The following DSCAM variants were observed in gnomAD, a reference collection of about 807,000 sequenced individuals.
DSCAM encodes the protein DS cell adhesion molecule.
Under a neutral mutation model 217.7 loss-of-function variants are expected in DSCAM, and 47 were observed. The observed-to-expected ratio is 0.22, with a 90% CI of 0.17 to 0.28. The LOEUF is 0.28. DSCAM is among the 10% of genes least tolerant of loss of function. The probability of loss-of-function intolerance (pLI) is 1.00; values close to 1 mark genes in which losing one functional copy is unlikely to be tolerated. For synonymous variants in DSCAM, 1,056 were observed against 1,015.3 expected, an observed-to-expected ratio of 1.04 and a Z score of -0.76; for missense variants, 2,080 against 2,618.3, an observed-to-expected ratio of 0.79 and a Z score of 4.49.
At chr21:40,086,818 T>TC (rs2089538960) in intron 22 of DSCAM, among the ~76,000 whole-genome samples, 1 of 152,206 alleles carries the variant, frequency 6.6e-6, no homozygotes, top group African/African-American at 2.4e-5. Context: ...AGATAGGTGT[T>TC]AAATCTCACA....
chr21:40,639,842 C>T (rs28733793), intron 3 of DSCAM, among the ~76,000 whole-genome samples: 24,749 of 152,158 alleles, frequency 0.16, 2,207 homozygotes, highest in Admixed American at 0.24. Flanking sequence ...CTTTTTCCCT[C>T]CATAAAAGTC....
intron 3 of DSCAM, among the ~76,000 whole-genome samples, chr21:40,455,091 G>C (rs1333453260): frequency 6.6e-6 from 1 of 152,166 alleles, no homozygotes; most frequent in Non-Finnish European, 1.5e-5. Flanking sequence ...GCAAGTACCT[G>C]ATCTAGGAAG....
chr21:40,536,545 G>A (rs1010665116), intron 3 of DSCAM, among the ~76,000 whole-genome samples: 2 of 151,964 alleles, frequency 1.3e-5, no homozygotes, highest in African/African-American at 2.4e-5. Flanking sequence ...GGGACTACAG[G>A]CGCCCACCAC....
intron 3 of DSCAM, among the ~76,000 whole-genome samples, chr21:40,682,308 T>C (rs1034651608): frequency 6.6e-6 from 1 of 151,692 alleles, no homozygotes; most frequent in Non-Finnish European, 1.5e-5. Context: ...ATACAGAAAG[T>C]GGATGGGATT....
rs571025790 is a variant in DSCAM, at chr21:40,214,389, T to C, written c.2357-25151A>G. Among the ~76,000 whole-genome samples, 8 of 152,314 alleles carry C rather than the reference T, an allele frequency of 5.3e-5. No individual in the cohort carries two copies. The South Asian group carries it at 1.0e-3, about 20-fold the overall frequency. On this transcript the variant is annotated intron_variant, in intron 11 of 32. Coordinates refer to ENST00000400454, the MANE Select transcript of DSCAM (RefSeq NM_001389.5). ...TATTTTGGAGCCTATAAAGAAAGATTCTGTGCTGATAATATTTACATTGGG... is the reference window on the plus strand; with the variant it reads ...TATTTTGGAGCCTATAAAGAAAGATCCTGTGCTGATAATATTTACATTGGG...
At chr21:40,082,832 G>C (rs1000443149) in intron 24 of DSCAM, among the ~76,000 whole-genome samples, 1 of 152,142 alleles carries the variant, frequency 6.6e-6, no homozygotes, top group African/African-American at 2.4e-5. Flanking sequence ...AATGTTCTTA[G>C]GGTGGCTGTG....
At position 40,185,121 on chromosome 21, in the gene DSCAM, T is replaced by A. The variant is rs544117827; in HGVS notation, c.2779+2010A>T. ...GCGTGGTGGAGGTGAAATGCATTAA[T>A]CAGCATATTTGTCAGTAATCATAGA... On this transcript the variant is annotated intron_variant, in intron 14 of 32. Coordinates refer to ENST00000400454, the MANE Select transcript of DSCAM (RefSeq NM_001389.5). 2.0e-5 allele frequency among the ~76,000 whole-genome samples: 3 copies of A among 152,260 alleles called. No homozygotes were observed. The South Asian group carries it at 6.2e-4, about 32-fold the overall frequency.
chr21:40,017,744 G>T (rs147915838), intron 32 of DSCAM, among the ~76,000 whole-genome samples: 1 of 152,072 alleles, frequency 6.6e-6, no homozygotes. Flanking sequence ...TAGAGACAGG[G>T]TTTCTCCATG....
Position 40,608,467 on chromosome 21 carries a change from A to C in DSCAM, c.508+84343T>G, listed in dbSNP as rs186823404. ...CATTTCCTAAACGGTGTTCTAAGGAAAAATAAGAGATACAGCTCAAAATAA... is the reference window on the plus strand; with the variant it reads ...CATTTCCTAAACGGTGTTCTAAGGACAAATAAGAGATACAGCTCAAAATAA... On this transcript the variant is annotated intron_variant, in intron 3 of 32. Transcript: ENST00000400454. 2.0e-5 allele frequency among the ~76,000 whole-genome samples: 3 copies of C among 152,344 alleles called. No homozygotes were observed. In the East Asian group the frequency reaches 5.8e-4, roughly 29 times the overall value.
chr21:40,164,626 C>G (rs921462777), intron 16 of DSCAM, among the ~76,000 whole-genome samples: 1 of 151,948 alleles, frequency 6.6e-6, no homozygotes, highest in Admixed American at 6.6e-5. Flanking sequence ...GGTGAAAACC[C>G]CTGTCTCTAT....
chr21:40,523,395 GA>G (rs553666146), intron 3 of DSCAM, among the ~76,000 whole-genome samples: 1 of 152,128 alleles, frequency 6.6e-6, no homozygotes, highest in Non-Finnish European at 1.5e-5. Flanking sequence ...CACATCAGTG[GA>G]AAAAGACACA....
intron 22 of DSCAM, among the ~76,000 whole-genome samples, chr21:40,086,792 A>C (rs1001368226): frequency 6.6e-6 from 1 of 152,198 alleles, no homozygotes; most frequent in Non-Finnish European, 1.5e-5. Context: ...TTAGTTCACT[A>C]TCTTTAAAGA....
intron 11 of DSCAM, among the ~76,000 whole-genome samples, chr21:40,267,342 A>C (rs1010284276): frequency 2.0e-5 from 3 of 152,120 alleles, no homozygotes; most frequent in Middle Eastern, 3.2e-3. Flanking sequence ...ATGAATAGTC[A>C]TTTATTATTA....
chr21:40,418,493 A>G (rs1452403684), intron 3 of DSCAM, among the ~76,000 whole-genome samples: 1 of 152,188 alleles, frequency 6.6e-6, no homozygotes, highest in Non-Finnish European at 1.5e-5. Context: ...TGTTTAGGTT[A>G]TGTGAGGTGA....
intron 1 of DSCAM, among the ~76,000 whole-genome samples, chr21:40,796,855 A>T (rs1389995262): frequency 1.4e-4 from 22 of 152,354 alleles, no homozygotes; most frequent in Admixed American, 1.4e-3. Context: ...AATGAAAAAA[A>T]GCATCCACTT....
At chr21:40,225,914 C>T (rs192426028) in intron 11 of DSCAM, among the ~76,000 whole-genome samples, 1 of 152,294 alleles carries the variant, frequency 6.6e-6, no homozygotes, top group East Asian at 1.9e-4. Flanking sequence ...CCAGAACCAT[C>T]ACTACATTGA....
At chr21:40,197,673 A>T (rs1191655404) in intron 11 of DSCAM, among the ~76,000 whole-genome samples, 2 of 152,056 alleles carry the variant, frequency 1.3e-5, no homozygotes, top group Admixed American at 6.6e-5. Context: ...GGAAAGCTAA[A>T]TGGTAGTAGC....
chr21:40,780,729 A>C (rs1216314734), intron 1 of DSCAM, among the ~76,000 whole-genome samples: 3 of 152,018 alleles, frequency 2.0e-5, no homozygotes, highest in Non-Finnish European at 4.4e-5. Flanking sequence ...CTATAAAGAC[A>C]CACAGAGAAT....
chr21:40,548,780 TG>T (rs2076605444), intron 3 of DSCAM, among the ~76,000 whole-genome samples: 1 of 152,160 alleles, frequency 6.6e-6, no homozygotes, highest in Non-Finnish European at 1.5e-5. Context: ...GGCATGACTT[TG>T]GGATATATAA....
Sources: gnomAD v4.1 joint callset for allele counts (sites outside exome capture counted in the v4.1 genomes callset) on GRCh38, gnomAD v4.1.1 for gene constraint, MANE v1.5 for transcripts, NCBI Gene and HGNC (gene_info 2026-07-23, HGNC 2026-07-21) for gene names.